Variants in ROGDI observed in about 807,000 individuals in gnomAD.
ROGDI encodes the protein protein rogdi homolog.
ROGDI carries 46 observed loss-of-function variants against 43.1 expected under a neutral mutation model. The ratio of observed to expected loss-of-function variants is 1.07; its 90% CI spans 0.84 to 1.37. ROGDI has a LOEUF of 1.37. Among genes scored for constraint, ROGDI ranks in the 40% most tolerant of loss-of-function variants. The probability of loss-of-function intolerance (pLI) is 0.00; values close to 1 mark genes in which losing one functional copy is unlikely to be tolerated. For missense variants in ROGDI, 518 were observed against 383.9 expected (o/e 1.35, Z -2.92); for synonymous variants, 243 against 162.0 (o/e 1.50, Z -3.80).
At position 4,802,582 on chromosome 16, in the gene ROGDI, C is replaced by T; in HGVS notation, c.-11G>A. ...CATCACGGTGGCCATGGCCGCAGGC[C>T]GCCGCCGAGCGCCCTCCCCACCGGC... On this transcript the variant is annotated 5_prime_UTR_variant, in exon 1 of 11. Coordinates refer to ENST00000322048, the MANE Select transcript of ROGDI (RefSeq NM_024589.3). 2 of 1,309,200 alleles carry T rather than the reference C, an allele frequency of 1.5e-6. No homozygotes were observed. The highest frequency in any genetic ancestry group is 1.5e-5 in the African/African-American group (1 of 65,682). The allele number at this position is 1,309,200 out of a possible 1,614,324, so 81.1% of individuals were successfully genotyped here.
rs1455512655 is a variant in ROGDI, at chr16:4,800,582, A to C, written c.256-4T>G. 1.0e-5 allele frequency: 16 copies of C among 1,563,266 alleles called. No homozygotes were observed. The highest frequency in any genetic ancestry group is 1.1e-5 in the Non-Finnish European group (13 of 1,153,018). ...GGGGCATCTTCAGGTTCACATCCTG[A>C]CAGGCAAGAGTGGGGTGAGCTGGGC... On this transcript the variant is annotated splice_polypyrimidine_tract_variant and splice_region_variant and intron_variant, in intron 4 of 10. Transcript: ENST00000322048.
At chr16:4,799,845 GT>G in intron 5 of ROGDI, 64 bp from the exon 6 acceptor site, 1 of 1,193,124 alleles carries the variant, frequency 8.4e-7, no homozygotes, top group Non-Finnish European at 1.2e-6. Context: ...GGGAGAGTGG[GT>G]GCTGCCTGCC....
rs369127160 is a variant in ROGDI at position 4,799,219 on chromosome 16, G to A, written c.432+467C>T. Among the ~76,000 whole-genome samples, 117 of 152,228 alleles carry A rather than the reference G, an allele frequency of 7.7e-4. 1 individual carries two copies. In the Middle Eastern group the frequency reaches 0.014, roughly 18 times the overall value. ...GGGTGATGTGGCTCCCAGGAAACAC[G>A]TAAGAGCTGACTGGGGGTATAGGGC... On this transcript the variant is annotated intron_variant, in intron 6 of 10. Coordinates refer to ENST00000322048, the MANE Select transcript of ROGDI (RefSeq NM_024589.3).
At chr16:4,799,562 G>T in intron 6 of ROGDI, 124 bp downstream of exon 6, 1 of 632,492 alleles carries the variant, frequency 1.6e-6, no homozygotes, top group Non-Finnish European at 2.8e-6. Context: ...GAGACACAGA[G>T]TCGGCAGGTA....
chr16:4,798,045 T>A, intron 8 of ROGDI, 26 bp downstream of exon 8: 1 of 1,613,426 alleles, frequency 6.2e-7, no homozygotes, highest in Non-Finnish European at 8.5e-7. Flanking sequence ...TGGCGGGCAG[T>A]GGGCCGGGCA....
At chr16:4,801,188 G>C (rs756524997) in intron 4 of ROGDI, 79 bp downstream of exon 4, 19 of 1,261,694 alleles carry the variant, frequency 1.5e-5, no homozygotes, top group Admixed American at 9.0e-5. Context: ...GAGTCGCAGG[G>C]CTTGTACAGA....
In ROGDI at chr16:4,802,446, T is replaced by C. The variant is rs2082743700; in HGVS notation, c.53A>G (p.Glu18Gly). The change falls in exon 2 of 11, where the codon GAG becomes GGG. Residue 18 changes from glutamate to glycine, a missense_variant. Glu to Gly is a moderately conservative substitution (Grantham distance 98). Coordinates refer to ENST00000322048, the MANE Select transcript of ROGDI (RefSeq NM_024589.3). Reference sequence around the variant, plus strand: ...CTCGTCGTGCAGCAGCCAGCGGAACTCCTCCTCCTGCGGGACAGACCCGGC... The same window carrying C: ...CTCGTCGTGCAGCAGCCAGCGGAACCCCTCCTCCTGCGGGACAGACCCGGC... ...TAAERAVLEE[E>G]FRWLLHDEVH... The C allele has an allele frequency of 2.8e-6, 4 of 1,426,468 alleles. No individual in the cohort carries two copies. The highest frequency in any genetic ancestry group is 3.7e-6 in the Non-Finnish European group (4 of 1,093,776). 88.4% of individuals were successfully genotyped at this position (1,426,468 alleles called of 1,614,324 possible).
intron 4 of ROGDI, 102 bp from the exon 5 acceptor site, chr16:4,800,680 T>A: frequency 2.0e-6 from 2 of 988,824 alleles, no homozygotes; most frequent in South Asian, 2.8e-5. Context: ...GTGTGGTGGT[T>A]CAGGCCTTGG....
chr16:4,802,181 C>G (rs1028486202), intron 2 of ROGDI: 14 of 650,146 alleles, frequency 2.2e-5, no homozygotes, highest in African/African-American at 1.1e-4. Flanking sequence ...TGCTAGCACC[C>G]TCGTCGGGAC....
Position 4,797,305 on chromosome 16 carries a change from G to A in ROGDI, c.*155C>T, listed in dbSNP as rs551438150. ...GCCTTCCTTCCTCCTGGCACTTCCA[G>A]TGTCCATTCCCGGCAGTGCAAATGT... On this transcript the variant is annotated 3_prime_UTR_variant, in exon 11 of 11. Transcript: ENST00000322048. The A allele has an allele frequency of 2.6e-4, 177 of 684,836 alleles. No homozygotes were observed. The highest frequency in any genetic ancestry group is 5.6e-4 in the African/African-American group (31 of 55,470). 42.4% of individuals were successfully genotyped at this position (684,836 alleles called of 1,614,324 possible).
At chr16:4,802,358 G>T in intron 2 of ROGDI, 24 bp downstream of exon 2, 1 of 1,552,116 alleles carries the variant, frequency 6.4e-7, no homozygotes, top group Non-Finnish European at 8.7e-7. Flanking sequence ...GCCACGCCCG[G>T]CGGGGCAGGG....
At chr16:4,802,343 G>C (rs748899373) in intron 2 of ROGDI, 39 bp downstream of exon 2, 39 of 1,517,784 alleles carry the variant, frequency 2.6e-5, no homozygotes, top group Non-Finnish European at 5.3e-6. Flanking sequence ...TGAGGAGGGA[G>C]GGCCGCCACG....
At chr16:4,800,611 G>C in intron 4 of ROGDI, 33 bp from the exon 5 acceptor site, 4 of 1,506,302 alleles carry the variant, frequency 2.7e-6, no homozygotes, top group South Asian at 1.2e-5. Context: ...GCTGGGCAGT[G>C]GGGGGGCACC....
Position 4,802,383 on chromosome 16 carries a change from T to C in ROGDI, c.116A>G (p.Lys39Arg), listed in dbSNP as rs2082742379. The change falls in exon 2 of 11, where the codon AAG becomes AGG. Residue 39 changes from lysine to arginine, a missense_variant and splice_region_variant. Coordinates refer to ENST00000322048, the MANE Select transcript of ROGDI (RefSeq NM_024589.3). ...GCGGGGCAGGGCGCGGGTCGTTACCTTGAGGATGTCCTGCAGCTGCTTCAA... is the reference window on the plus strand; with the variant it reads ...GCGGGGCAGGGCGCGGGTCGTTACCCTGAGGATGTCCTGCAGCTGCTTCAA... Reference protein sequence around the residue: ...AVLKQLQDILKEASLRFTLPG... With the variant: ...AVLKQLQDILREASLRFTLPG... 2 of 1,570,644 alleles carry C rather than the reference T, an allele frequency of 1.3e-6. No individual in the cohort carries two copies. Among genetic ancestry groups the C allele is most frequent in the East Asian group, 2.3e-5 (1 of 42,642 alleles).
At chr16:4,797,651 T>C in intron 10 of ROGDI, 63 bp downstream of exon 10, 1 of 1,609,924 alleles carries the variant, frequency 6.2e-7, no homozygotes, top group Admixed American at 1.7e-5. Flanking sequence ...TGGGGCGCTC[T>C]GAGGGTGTGG....
intron 2 of ROGDI, 133 bp downstream of exon 2, chr16:4,802,249 C>T: frequency 1.2e-6 from 1 of 816,684 alleles, no homozygotes; most frequent in Non-Finnish European, 2.0e-6. Context: ...TTCGCGGAGG[C>T]GGGGCCCTGC....
intron 6 of ROGDI, 183 bp from the exon 7 acceptor site, chr16:4,798,850 G>C (rs2082686137): frequency 5.0e-6 from 3 of 602,086 alleles, no homozygotes; most frequent in East Asian, 5.7e-5. Flanking sequence ...AGGAGGGCAG[G>C]ATGTCTGCAC....
Position 4,801,266 on chromosome 16 carries a change from C to A in ROGDI, c.255+1G>T. 2 of 1,604,094 alleles carry A rather than the reference C, an allele frequency of 1.2e-6. No individual in the cohort carries two copies. The highest frequency in any genetic ancestry group is 1.7e-6 in the Non-Finnish European group (2 of 1,173,682). On this transcript the variant is annotated splice_donor_variant, in intron 4 of 10. Transcript: ENST00000322048. LOFTEE classifies it high-confidence loss of function. The stretch of plus-strand genomic sequence containing the variant: ...GGAGGGGACAGGGCCGGGGGACTCA[C>A]CGCCTGGCTGAGGGCATCCCCCTGC...
At chr16:4,800,396 G>A in intron 5 of ROGDI, 102 bp downstream of exon 5, 1 of 923,034 alleles carries the variant, frequency 1.1e-6, no homozygotes, top group Non-Finnish European at 1.7e-6. Flanking sequence ...GCTTGCTGTG[G>A]CCACAGATCC....
Sources: allele counts gnomAD v4.1 joint callset (sites outside exome capture counted in the v4.1 genomes callset), GRCh38; gene constraint gnomAD v4.1.1; transcripts MANE v1.5; gene names NCBI Gene and HGNC (gene_info 2026-07-23, HGNC 2026-07-21).